The following KIAA1549L variants were observed in gnomAD, a reference collection of about 807,000 sequenced individuals.
KIAA1549L encodes UPF0606 protein KIAA1549L.
In KIAA1549L, 88 loss-of-function variants were observed where a neutral mutation model predicts 160.7. That is an observed-to-expected ratio of 0.55 (90% CI 0.46 to 0.65). The LOEUF (loss-of-function observed/expected upper bound fraction) is 0.65. Ranked by LOEUF, KIAA1549L falls within the 30% of genes least tolerant of loss-of-function variation. The pLI is 0.00. For synonymous variants in KIAA1549L, 950 were observed against 976.7 expected (o/e 0.97, Z 0.51); for missense variants, 2,258 against 2,437.5 (o/e 0.93, Z 1.55).
At chr11:33,592,555 AAC>A (rs1254101297) in intron 12 of KIAA1549L, among the ~76,000 whole-genome samples, 14 of 141,914 alleles carry the variant, frequency 9.9e-5, no homozygotes, top group Non-Finnish European at 2.1e-4. Context: ...CCTTTTATCT[AAC>A]ATGTGTATTG....
At chr11:33,570,888 T>C (rs1855230412) in intron 9 of KIAA1549L, among the ~76,000 whole-genome samples, 1 of 152,166 alleles carries the variant, frequency 6.6e-6, no homozygotes, top group East Asian at 1.9e-4. Context: ...CCAGTATTGA[T>C]GAGTGTGGAG....
chr11:33,613,715 G>A (rs35882323), intron 15 of KIAA1549L, among the ~76,000 whole-genome samples: 42,141 of 151,936 alleles, frequency 0.28, 6,177 homozygotes, highest in East Asian at 0.36. Context: ...AGATATGGGT[G>A]GAGACAAATA....
chr11:33,448,575 G>A (rs932674032), intron 1 of KIAA1549L, among the ~76,000 whole-genome samples: 1 of 152,114 alleles, frequency 6.6e-6, no homozygotes, highest in Non-Finnish European at 1.5e-5. Context: ...AGAATAGGTT[G>A]ATTCAGCTAT....
intron 16 of KIAA1549L, among the ~76,000 whole-genome samples, chr11:33,621,915 T>C (rs564828371): frequency 1.9e-4 from 29 of 152,352 alleles, no homozygotes; most frequent in Admixed American, 1.8e-3. Context: ...CTGAAATTTA[T>C]TGTTTGAATT....
intron 1 of KIAA1549L, among the ~76,000 whole-genome samples, chr11:33,478,487 G>C (rs1852340788): frequency 6.6e-6 from 1 of 152,226 alleles, no homozygotes; most frequent in South Asian, 2.1e-4. Flanking sequence ...TTTCAGAGCT[G>C]ATGGGCTCCG....
chr11:33,634,235 G>T (rs982401774), intron 16 of KIAA1549L, among the ~76,000 whole-genome samples: 1 of 152,136 alleles, frequency 6.6e-6, no homozygotes, highest in African/African-American at 2.4e-5. Context: ...GAGAGGCAGG[G>T]TTTCACCAGG....
chr11:33,411,927 TTC>T (rs398055144), intron 1 of KIAA1549L, among the ~76,000 whole-genome samples: 1 of 78,222 alleles, frequency 1.3e-5, no homozygotes, highest in Non-Finnish European at 4.0e-5. Flanking sequence ...TGGAGGGCTC[TTC>T]TTGTGGTTCA....
intron 1 of KIAA1549L, among the ~76,000 whole-genome samples, chr11:33,471,055 A>G (rs983417982): frequency 3.3e-5 from 5 of 152,046 alleles, no homozygotes; most frequent in Admixed American, 6.6e-5. Context: ...TCCTGGGCTC[A>G]AGGGATCCTC....
chr11:33,533,643 T>A (rs1853827573), intron 1 of KIAA1549L, among the ~76,000 whole-genome samples: 1 of 152,224 alleles, frequency 6.6e-6, no homozygotes, highest in Non-Finnish European at 1.5e-5. Context: ...GCTCTGAGAA[T>A]CATGGTTTTA....
intron 1 of KIAA1549L, among the ~76,000 whole-genome samples, chr11:33,454,958 A>G (rs1049137132): frequency 2.6e-5 from 4 of 152,020 alleles, no homozygotes; most frequent in South Asian, 2.1e-4. Context: ...GCGTGGTGGC[A>G]GGCGCCTGTA....
chr11:33,545,899 T>C (rs911318871), intron 3 of KIAA1549L, among the ~76,000 whole-genome samples: 1 of 152,256 alleles, frequency 6.6e-6, no homozygotes, highest in Non-Finnish European at 1.5e-5. Context: ...GCTTTTGTCA[T>C]GCATTTTTTC....
At chr11:33,476,977 A>T (rs912074293) in intron 1 of KIAA1549L, among the ~76,000 whole-genome samples, 1 of 152,142 alleles carries the variant, frequency 6.6e-6, no homozygotes, top group Non-Finnish European at 1.5e-5. Context: ...CACAGTTGGG[A>T]GTTCAACAAA....
At chr11:33,381,082 C>T (rs1342336970) in intron 1 of KIAA1549L, among the ~76,000 whole-genome samples, 1 of 151,996 alleles carries the variant, frequency 6.6e-6, no homozygotes, top group Non-Finnish European at 1.5e-5. Context: ...CCAAACTTGA[C>T]TGTGCTTACC....
chr11:33,533,458 C>T (rs1029646385), intron 1 of KIAA1549L, among the ~76,000 whole-genome samples: 2 of 152,168 alleles, frequency 1.3e-5, no homozygotes, highest in African/African-American at 4.8e-5. Flanking sequence ...ATAAACTGCT[C>T]TCTGATGCGT....
intron 1 of KIAA1549L, among the ~76,000 whole-genome samples, chr11:33,379,117 C>T (rs138211257): frequency 6.6e-6 from 1 of 152,270 alleles, no homozygotes; most frequent in Non-Finnish European, 1.5e-5. Flanking sequence ...TGCTACAGTC[C>T]CATCATTTAC....
At chr11:33,454,818 G>A (rs1015642557) in intron 1 of KIAA1549L, among the ~76,000 whole-genome samples, 1 of 152,152 alleles carries the variant, frequency 6.6e-6, no homozygotes, top group Non-Finnish European at 1.5e-5. Context: ...GGCTGGGCGC[G>A]GTGGCTCACG....
At chr11:33,413,358 G>C (rs1850821179) in intron 1 of KIAA1549L, among the ~76,000 whole-genome samples, 1 of 150,218 alleles carries the variant, frequency 6.7e-6, no homozygotes. Context: ...AGGATTGTTT[G>C]AGCCAGGAGT....
At position 33,669,627 on chromosome 11, in the gene KIAA1549L, C is replaced by T. The variant is rs975003810; in HGVS notation, c.*1473C>T. 4 of 152,174 alleles carry T rather than the reference C, an allele frequency of 2.6e-5. No individual in the cohort carries two copies. The highest frequency in any genetic ancestry group is 9.7e-5 in the African/African-American group (4 of 41,428). The allele number at this position is 152,174 out of a possible 1,614,324, so 9.4% of individuals were successfully genotyped here. A position where few individuals can be genotyped will look rare whatever the true frequency, so the allele number is the denominator to read the frequency against. On this transcript the variant is annotated 3_prime_UTR_variant, in exon 21 of 21. Transcript: ENST00000658780. Reference sequence around the variant, plus strand: ...TGAGCCCATCTTCCATTGTCCTCAACGAGTTTCTTTGGTCTTTACTGAAAG... The same window carrying T: ...TGAGCCCATCTTCCATTGTCCTCAATGAGTTTCTTTGGTCTTTACTGAAAG...
chr11:33,571,256 CTGGTGACAGAGCGAGACTCTG>C (rs561548367), intron 9 of KIAA1549L, among the ~76,000 whole-genome samples: 8 of 152,168 alleles, frequency 5.3e-5, no homozygotes, highest in Admixed American at 4.6e-4. Flanking sequence ...GCACTGCAGC[CTGGTGACAGAGCGAGACTCTG>C]TGGTGACAGA....
Sources: allele counts gnomAD v4.1 joint callset (sites outside exome capture counted in the v4.1 genomes callset), GRCh38; gene constraint gnomAD v4.1.1; transcripts MANE v1.5; gene names NCBI Gene and HGNC (gene_info 2026-07-23, HGNC 2026-07-21).